MTHFD2: variants seen among roughly 807,000 people sequenced by gnomAD.
MTHFD2 encodes methylenetetrahydrofolate dehydrogenase (NADP+ dependent) 2, methenyltetrahydrofolate cyclohydrolase.
In MTHFD2, 26 loss-of-function variants were observed where a neutral mutation model predicts 36.8. That is an observed-to-expected ratio of 0.71 (90% CI 0.52 to 0.98). MTHFD2 has a LOEUF of 0.98. Among genes scored for constraint, MTHFD2 ranks in the 50% least tolerant of loss-of-function variants. The pLI is 0.00. For synonymous variants in MTHFD2, 164 were observed against 155.2 expected (o/e 1.06, Z -0.42); for missense variants, 373 against 434.0 (o/e 0.86, Z 1.25).
At chr2:74,204,988 G>C (rs568555525) in intron 1 of MTHFD2, among the ~76,000 whole-genome samples, 184 of 152,248 alleles carry the variant, frequency 1.2e-3, no homozygotes, top group Non-Finnish European at 1.8e-3. Flanking sequence ...ACTACGCCCA[G>C]CTAATTTTTG....
intron 5 of MTHFD2, among the ~76,000 whole-genome samples, chr2:74,210,785 GTT>G (rs71406865): frequency 3.0e-5 from 4 of 132,040 alleles, no homozygotes; most frequent in East Asian, 5.0e-4. Flanking sequence ...CATTAAGTCA[GTT>G]TTTTTTTTTT....
rs761181922 is a variant in MTHFD2 at position 74,198,661 on chromosome 2, T to C, written c.20T>C (p.Met7Thr). 1.9e-6 allele frequency: 3 copies of C among 1,610,742 alleles called. No homozygotes were observed. Among genetic ancestry groups the C allele is most frequent in the African/African-American group, 2.7e-5 (2 of 74,804 alleles). Residue 7 changes from methionine to threonine, a missense_variant, in exon 1 of 8, where the codon ATG becomes ACG. Physicochemically the swap from Met to Thr is moderately conservative, Grantham distance 81. Around this residue, in one of 2 missense-constraint regions of MTHFD2, gnomAD observed 65 missense variants for 36.1 expected, o/e 1.80. Coordinates refer to ENST00000394053, the MANE Select transcript of MTHFD2 (RefSeq NM_006636.4). ...CGGTCTATGGCTGCGACTTCTCTAA[T>C]GTCTGCTTTGGCTGCCCGGCTGCTG... Reference protein sequence around the residue: MAATSLMSALAARLLQP... With the variant: MAATSLTSALAARLLQP...
rs1428550579 is a variant in MTHFD2 at position 74,214,152 on chromosome 2, G to A, written c.963G>A (p.Met321Ile). 1 of 1,614,078 alleles carries A rather than the reference G, an allele frequency of 6.2e-7. No homozygotes were observed. Among genetic ancestry groups the A allele is most frequent in the East Asian group, 2.2e-5 (1 of 44,884 alleles). Reference sequence around the variant, plus strand: ...GCCCCATGACAGTGGCAATGCTAATGAAGAATACCATTATTGCTGCAAAAA... The same window carrying A: ...GCCCCATGACAGTGGCAATGCTAATAAAGAATACCATTATTGCTGCAAAAA... ...GVGPMTVAML[M>I]KNTIIAAKKV... Residue 321 changes from methionine to isoleucine, a missense_variant, in exon 8 of 8, where the codon ATG becomes ATA. Met to Ile is a conservative substitution (Grantham distance 10, BLOSUM62 1). Transcript: ENST00000394053.
chr2:74,204,977 C>T lies in MTHFD2; in HGVS notation c.102-728C>T, dbSNP rs142207375. ...AGTAGCTGGGATTACAGGAGCCCAC[C>T]ACTACGCCCAGCTAATTTTTGTATT... On this transcript the variant is annotated intron_variant, in intron 1 of 7. Transcript: ENST00000394053. 1.9e-3 allele frequency among the ~76,000 whole-genome samples: 283 copies of T among 152,238 alleles called. 2 individuals are homozygous for T. The highest frequency in any genetic ancestry group is 6.5e-3 in the African/African-American group (269 of 41,538).
In MTHFD2 at chr2:74,205,904, G is replaced by A. The variant is rs1694168891; in HGVS notation, c.286+15G>A. On this transcript the variant is annotated intron_variant, in intron 2 of 7. Coordinates refer to ENST00000394053, the MANE Select transcript of MTHFD2 (RefSeq NM_006636.4). The stretch of plus-strand genomic sequence containing the variant: ...TGCAGTTGTGGGTATGTGTCCTTCT[G>A]AGACCTCGACTGCGGTTCAGTTGAG... 6.2e-7 allele frequency: 1 copy of A among 1,606,306 alleles called. No homozygotes were observed. Among genetic ancestry groups the A allele is most frequent in the Non-Finnish European group, 8.5e-7 (1 of 1,174,096 alleles).
rs915737419 is a variant in MTHFD2 at position 74,215,533 on chromosome 2, G to A, written c.*1291G>A. 3 of 151,736 alleles carry A rather than the reference G, an allele frequency of 2.0e-5. No individual in the cohort carries two copies. Among genetic ancestry groups the A allele is most frequent in the Middle Eastern group, 3.4e-3 (1 of 294 alleles). 9.4% of individuals were successfully genotyped at this position (151,736 alleles called of 1,614,324 possible). A position where few individuals can be genotyped will look rare whatever the true frequency, so the allele number is the denominator to read the frequency against. On this transcript the variant is annotated 3_prime_UTR_variant, in exon 8 of 8. Transcript: ENST00000394053. Reference sequence around the variant, plus strand: ...CTTGCCTCAGCTTCCCAGAGGGCTGGGATTACAGGCCTGGGCCACCCACAC... The same window carrying A: ...CTTGCCTCAGCTTCCCAGAGGGCTGAGATTACAGGCCTGGGCCACCCACAC...
chr2:74,199,251 G>T (rs1693982430), intron 1 of MTHFD2, among the ~76,000 whole-genome samples: 1 of 152,104 alleles, frequency 6.6e-6, no homozygotes. Flanking sequence ...GGGTCCCCGC[G>T]CCGCCCTCCT....
chr2:74,198,706 C>A lies in MTHFD2; in HGVS notation c.65C>A (p.Ser22Tyr). ...CTGCTGCAGCCCGCGCACAGCTGCT[C>A]CCTTCGCCTTCGCCCTTTCCACCTC... ...ARLLQPAHSC[S>Y]LRLRPFHLAA... is the part of the protein sequence containing the mutation. Residue 22 changes from serine (S) to tyrosine (Y), a missense_variant, in exon 1 of 8, where the codon TCC becomes TAC. Ser to Tyr is a moderately radical substitution (Grantham distance 144). Coordinates refer to ENST00000394053, the MANE Select transcript of MTHFD2 (RefSeq NM_006636.4). The A allele has an allele frequency of 6.2e-7, 1 of 1,611,404 alleles. No individual in the cohort carries two copies. Among genetic ancestry groups the A allele is most frequent in the Non-Finnish European group, 8.5e-7 (1 of 1,179,004 alleles).
chr2:74,202,355 A>G (rs1432789541), intron 1 of MTHFD2, among the ~76,000 whole-genome samples: 2 of 152,170 alleles, frequency 1.3e-5, no homozygotes, highest in East Asian at 3.8e-4. Flanking sequence ...CATTCAACAT[A>G]AATGACTGTT....
chr2:74,206,316 G>T (rs1235671825), intron 2 of MTHFD2: 1 of 154,354 alleles, frequency 6.5e-6, no homozygotes, highest in Non-Finnish European at 1.4e-5. Context: ...GAACACAGTC[G>T]TAGATTTGAA....
At chr2:74,208,742 C>A (rs1322139890) in intron 4 of MTHFD2, 21 bp downstream of exon 4, 1 of 1,610,672 alleles carries the variant, frequency 6.2e-7, no homozygotes, top group Non-Finnish European at 8.5e-7. Flanking sequence ...CCCAGAATTG[C>A]ATGTCTGTGT....
At chr2:74,198,932 T>C (rs987205154) in intron 1 of MTHFD2, among the ~76,000 whole-genome samples, 190 bp downstream of exon 1, 4 of 151,918 alleles carry the variant, frequency 2.6e-5, no homozygotes, top group Non-Finnish European at 5.9e-5. Context: ...CTGGGGCGCT[T>C]CCTCGGCGCG....
At chr2:74,209,056 T>C (rs991220022) in intron 4 of MTHFD2, among the ~76,000 whole-genome samples, 1 of 148,180 alleles carries the variant, frequency 6.7e-6, no homozygotes, top group African/African-American at 2.5e-5. Context: ...TTATTTCTAG[T>C]AGAGACAGGT....
rs554505192 is a variant in MTHFD2 at position 74,214,102 on chromosome 2, A to C, written c.913A>C (p.Ile305Leu). 1 of 1,614,074 alleles carries C rather than the reference A, an allele frequency of 6.2e-7. No homozygotes were observed. Among genetic ancestry groups the C allele is most frequent in the South Asian group, 1.1e-5 (1 of 91,074 alleles). ...FEGVRQKAGY[I>L]TPVPGGVGPM... ...AGGAGTCAGACAAAAAGCTGGGTAT[A>C]TCACTCCAGTTCCTGGAGGTGTTGG... Residue 305 changes from isoleucine (I) to leucine (L), a missense_variant, in exon 8 of 8, where the codon ATC (isoleucine) becomes CTC (leucine). Physicochemically the swap from Ile to Leu is conservative, Grantham distance 5. Coordinates refer to ENST00000394053, the MANE Select transcript of MTHFD2 (RefSeq NM_006636.4).
chr2:74,213,270 C>CTTTTTTTTTTTTT (rs10638050), intron 7 of MTHFD2, among the ~76,000 whole-genome samples: 21 of 76,026 alleles, frequency 2.8e-4, no homozygotes, highest in Admixed American at 5.6e-4. Flanking sequence ...TTTTTCTTTC[C>CTTTTTTTTTTTTT]TTTTTTTTTT....
In MTHFD2 at chr2:74,214,316, TA is replaced by T. The variant is rs1441806556; in HGVS notation, c.*75del. On this transcript the variant is annotated 3_prime_UTR_variant, in exon 8 of 8. Coordinates refer to ENST00000394053, the MANE Select transcript of MTHFD2 (RefSeq NM_006636.4). ...GCAAAGCAGGCCAATAGAAATGCAA[TA>T]TTTTTAATTTATTCTACTGAAATGG... The T allele has an allele frequency of 5.4e-6, 8 of 1,484,498 alleles. No individual in the cohort carries two copies. The highest frequency in any genetic ancestry group is 6.4e-6 in the Non-Finnish European group (7 of 1,094,866). The allele number at this position is 1,484,498 out of a possible 1,614,324, so 92.0% of individuals were successfully genotyped here. A position where few individuals can be genotyped will look rare whatever the true frequency, so the allele number is the denominator to read the frequency against.
In MTHFD2 at chr2:74,203,799, G is replaced by C. The variant is rs368342189; in HGVS notation, c.102-1906G>C. 1.2e-4 allele frequency among the ~76,000 whole-genome samples: 18 copies of C among 149,736 alleles called. No individual in the cohort carries two copies. In the South Asian group the frequency reaches 1.8e-3, roughly 15 times the overall value. On this transcript the variant is annotated intron_variant, in intron 1 of 7. Coordinates refer to ENST00000394053, the MANE Select transcript of MTHFD2 (RefSeq NM_006636.4). ...CAAGGACAGAGATCTAAAGGGAAAG[G>C]CTTTTTTTAATGGGATCATTTTACT...
chr2:74,206,983 C>G (rs1219854095), intron 2 of MTHFD2, among the ~76,000 whole-genome samples: 1 of 152,184 alleles, frequency 6.6e-6, no homozygotes, highest in East Asian at 1.9e-4. Context: ...CTGCCTCAGC[C>G]TCCCAAAGTG....
chr2:74,204,261 G>T (rs1470844343), intron 1 of MTHFD2, among the ~76,000 whole-genome samples: 1 of 152,110 alleles, frequency 6.6e-6, no homozygotes, highest in African/African-American at 2.4e-5. Context: ...GGACATGTGT[G>T]AAAATAGGAA....
Sources: allele counts gnomAD v4.1 joint callset (sites outside exome capture counted in the v4.1 genomes callset), GRCh38; gene constraint gnomAD v4.1.1; regional missense constraint gnomAD v4.1.1; transcripts MANE v1.5; gene names NCBI Gene and HGNC (gene_info 2026-07-23, HGNC 2026-07-21).